The following H2BC12 variants were observed in gnomAD, a reference collection of about 807,000 sequenced individuals.
H2BC12 encodes H2B clustered histone 12.
In H2BC12, 6 loss-of-function variants were observed where a neutral mutation model predicts 6.3. The ratio of observed to expected loss-of-function variants is 0.95; its 90% CI spans 0.52 to 1.87. The LOEUF is 1.87. Ranked by LOEUF, H2BC12 falls within the 40% of genes most tolerant of loss-of-function variation. The pLI is 0.01. For missense variants in H2BC12, 119 were observed against 178.4 expected, an observed-to-expected ratio of 0.67 and a Z score of 1.90; for synonymous variants, 132 against 78.5, an observed-to-expected ratio of 1.68 and a Z score of -3.60.
the H2BC12 span, chr6:27,138,967 T>C: frequency 7.2e-5 from 15 of 207,094 alleles, no homozygotes; most frequent in East Asian, 3.5e-4. Flanking sequence ...CAAAATAGCA[T>C]AGTTCCATAC....
chr6:27,141,155 G>A, the H2BC12 span, among the ~76,000 whole-genome samples: 1 of 152,034 alleles, frequency 6.6e-6, no homozygotes, highest in Non-Finnish European at 1.5e-5. Context: ...TCAAGAGCGA[G>A]CTAAGGGAAG....
Position 27,146,507 on chromosome 6 carries a change from C to G in H2BC12, c.292G>C (p.Ala98Pro). 6.2e-7 allele frequency: 1 copy of G among 1,614,252 alleles called. No individual in the cohort carries two copies. Among genetic ancestry groups the G allele is most frequent in the Non-Finnish European group, 8.5e-7 (1 of 1,180,054 alleles). ...TCCCCGGGCAGCAGCAGGCGCACGG[C>G]CGTCTGGATCTCCCTGGAGGTGATG... ...STITSREIQT[A>P]VRLLLPGELA... The change falls in exon 1 of 1, where the codon GCC becomes CCC. Residue 98 changes from alanine to proline, a missense_variant. Physicochemically the swap from Ala to Pro is conservative, Grantham distance 27. Coordinates refer to ENST00000356950, the MANE Select transcript of H2BC12 (RefSeq NM_001312653.2).
the H2BC12 span, chr6:27,139,657 C>G: frequency 6.4e-7 from 1 of 1,570,618 alleles, no homozygotes; most frequent in Non-Finnish European, 8.6e-7. Context: ...CTAAAAAGGC[C>G]CTTTTTAGGG....
At chr6:27,146,359 T>C, downstream of H2BC12, 1 of 1,608,680 alleles carries the variant, frequency 6.2e-7, no homozygotes, top group Non-Finnish European at 8.5e-7. Context: ...ATATCGATAA[T>C]TTAAGTGGCT....
chr6:27,143,092 G>A (rs1003231886), downstream of H2BC12, among the ~76,000 whole-genome samples: 2 of 152,134 alleles, frequency 1.3e-5, no homozygotes, highest in East Asian at 3.9e-4. Flanking sequence ...TCACTGGCCC[G>A]GTTCACGCCA....
chr6:27,142,279 CTTT>C (rs201977751), downstream of H2BC12, among the ~76,000 whole-genome samples: 1 of 151,308 alleles, frequency 6.6e-6, no homozygotes, highest in African/African-American at 2.4e-5. Context: ...ACTTTTTTAA[CTTT>C]TTTTTTGGAG....
the H2BC12 span, chr6:27,139,153 A>AG: frequency 4.2e-6 from 3 of 719,050 alleles, no homozygotes; most frequent in Non-Finnish European, 6.7e-6. Flanking sequence ...GAGGGAGTAG[A>AG]GCACAGCAGG....
chr6:27,146,781 C>CA lies in H2BC12; in HGVS notation c.17_18insT (p.Lys6AsnfsTer16). 1 of 1,614,102 alleles carries CA rather than the reference C, an allele frequency of 6.2e-7. No individual in the cohort carries two copies. The highest frequency in any genetic ancestry group is 8.5e-7 in the Non-Finnish European group (1 of 1,180,000). The stretch of plus-strand genomic sequence containing the variant: ...AGCCCTTCTTGGGCGCGGGAGCGGA[C>CA]TTCGCTGGTTCCGGCATGTTGAAGG... On this transcript the variant is annotated frameshift_variant, in exon 1 of 1. Transcript: ENST00000356950. LOFTEE classifies it high-confidence loss of function.
chr6:27,145,174 C>T (rs914681114), downstream of H2BC12, among the ~76,000 whole-genome samples: 3 of 152,092 alleles, frequency 2.0e-5, no homozygotes, highest in African/African-American at 7.2e-5. Flanking sequence ...AGACTTGGAT[C>T]AACAGTGAAC....
the H2BC12 span, among the ~76,000 whole-genome samples, chr6:27,138,365 G>A: frequency 6.6e-6 from 1 of 152,170 alleles, no homozygotes; most frequent in East Asian, 1.9e-4. Flanking sequence ...ACCCCCCAGT[G>A]GGGTACAGAA....
the H2BC12 span, chr6:27,139,627 T>A: frequency 6.2e-7 from 1 of 1,602,796 alleles, no homozygotes; most frequent in East Asian, 2.2e-5. Flanking sequence ...CTAAATGGCA[T>A]TTTGAAGCCC....
At chr6:27,142,364 C>T (rs1760016413), downstream of H2BC12, among the ~76,000 whole-genome samples, 1 of 151,178 alleles carries the variant, frequency 6.6e-6, no homozygotes, top group East Asian at 1.9e-4. Context: ...CCTCCGCCTC[C>T]CGGGTTCAAG....
downstream of H2BC12, among the ~76,000 whole-genome samples, chr6:27,143,597 C>T (rs985347735): frequency 6.7e-6 from 1 of 150,306 alleles, no homozygotes; most frequent in African/African-American, 2.5e-5. Context: ...TCTTTACTTC[C>T]AACTTCTAGA....
At chr6:27,139,421 T>TA in the H2BC12 span, 1 of 1,614,110 alleles carries the variant, frequency 6.2e-7, no homozygotes, top group African/African-American at 1.3e-5. Context: ...ATTCGGCGCC[T>TA]TGCTCGCCGC....
At chr6:27,141,629 C>T (rs1760008392), downstream of H2BC12, among the ~76,000 whole-genome samples, 1 of 152,130 alleles carries the variant, frequency 6.6e-6, no homozygotes, top group Non-Finnish European at 1.5e-5. Context: ...GCAAAACCTG[C>T]TTGTCACTTA....
chr6:27,146,766 G>A lies in H2BC12; in HGVS notation c.33C>T (p.Pro11=), dbSNP rs537937730. The change falls in exon 1 of 1, where the codon CCC becomes CCT. Residue 11 remains proline, a synonymous_variant. Coordinates refer to ENST00000356950, the MANE Select transcript of H2BC12 (RefSeq NM_001312653.2). MPEPAKSAPA[P]KKGSKKAVTK... Reference sequence around the variant, plus strand: ...TCACGGCTTTCTTCGAGCCCTTCTTGGGCGCGGGAGCGGACTTCGCTGGTT... The same window carrying A: ...TCACGGCTTTCTTCGAGCCCTTCTTAGGCGCGGGAGCGGACTTCGCTGGTT... The A allele has an allele frequency of 2.4e-5, 39 of 1,614,086 alleles. No homozygotes were observed. The highest frequency in any genetic ancestry group is 2.8e-5 in the Non-Finnish European group (33 of 1,180,050).
chr6:27,143,394 G>A (rs1292386621), downstream of H2BC12, among the ~76,000 whole-genome samples: 1 of 152,026 alleles, frequency 6.6e-6, no homozygotes, highest in Non-Finnish European at 1.5e-5. Flanking sequence ...TATTCCTGAA[G>A]ATAGAGATAA....
downstream of H2BC12, among the ~76,000 whole-genome samples, chr6:27,142,257 C>T (rs1760014999): frequency 6.6e-6 from 1 of 152,166 alleles, no homozygotes; most frequent in Non-Finnish European, 1.5e-5. Context: ...ATAGGATACA[C>T]TATTAAAATT....
chr6:27,139,686 A>G, the H2BC12 span: 1 of 1,522,712 alleles, frequency 6.6e-7, no homozygotes, highest in Non-Finnish European at 8.8e-7. Flanking sequence ...CTTTCAACAA[A>G]AGAGTTGAAA....
Sources: allele counts gnomAD v4.1 joint callset (sites outside exome capture counted in the v4.1 genomes callset), GRCh38; gene constraint gnomAD v4.1.1; transcripts MANE v1.5; gene names NCBI Gene and HGNC (gene_info 2026-07-23, HGNC 2026-07-21).